Variants in ZYX observed in about 807,000 individuals in gnomAD.
ZYX encodes zyxin-2.
Under a neutral mutation model 58.1 loss-of-function variants are expected in ZYX, and 37 were observed. That is an observed-to-expected ratio of 0.64 (90% CI 0.49 to 0.84). The LOEUF (loss-of-function observed/expected upper bound fraction) is 0.84, where lower values mean the gene tolerates loss of function less well. Among genes scored for constraint, ZYX ranks in the 40% least tolerant of loss-of-function variants. The pLI is 0.00. For synonymous variants in ZYX, 324 were observed against 321.1 expected, an observed-to-expected ratio of 1.01 and a Z score of -0.10; for missense variants, 762 against 761.6, an observed-to-expected ratio of 1.00 and a Z score of -0.01.
rs6954724 is a variant in ZYX at position 143,388,726 on chromosome 7, G to A, written c.1315-41G>A. 183,093 of 1,609,214 alleles carry A rather than the reference G, an allele frequency of 0.11. 16,488 individuals carry two copies. Among genetic ancestry groups the A allele is most frequent in the African/African-American group, 0.4 (30,040 of 74,832 alleles). Reference sequence around the variant, plus strand: ...GTCGGGCCCTGGAAGCTTGCTGTGGGGTGCCGGTTCCCTGCCAACCTCCTC... The same window carrying A: ...GTCGGGCCCTGGAAGCTTGCTGTGGAGTGCCGGTTCCCTGCCAACCTCCTC... On this transcript the variant is annotated intron_variant, in intron 7 of 9. Transcript: ENST00000322764. The surrounding 1 kb of genome is among the most constrained non-coding windows in gnomAD (Gnocchi z 7.5).
rs545540682 is a variant in ZYX, at chr7:143,388,969, T to G, written c.1493+24T>G. On this transcript the variant is annotated intron_variant, in intron 8 of 9. Transcript: ENST00000322764. The surrounding 1 kb of genome is among the most constrained non-coding windows in gnomAD (Gnocchi z 7.5). ...AAGTGAGGACCTGCCACCTGCCTTC[T>G]GGGTTCCCGGCGTGCTTGGTCTGGT... The G allele has an allele frequency of 6.3e-7, 1 of 1,594,482 alleles. No homozygotes were observed. Among genetic ancestry groups the G allele is most frequent in the African/African-American group, 1.3e-5 (1 of 74,760 alleles).
rs1256880354 is a variant in ZYX at position 143,383,256 on chromosome 7, G to A, written c.957G>A (p.Gln319=). The A allele has an allele frequency of 6.2e-7, 1 of 1,613,980 alleles. No homozygotes were observed. The highest frequency in any genetic ancestry group is 1.7e-5 in the Admixed American group (1 of 60,020). ...PQPPSFTYAQ[Q]REKPRVQEKQ... Reference sequence around the variant, plus strand: ...CTCCCAGCTTCACCTATGCCCAGCAGAGGGAGAAGCCCCGAGTGCAGGAGA... The same window carrying A: ...CTCCCAGCTTCACCTATGCCCAGCAAAGGGAGAAGCCCCGAGTGCAGGAGA... The change falls in exon 5 of 10, where the codon CAG becomes CAA. Residue 319 remains glutamine, a synonymous_variant. Coordinates refer to ENST00000322764, the MANE Select transcript of ZYX (RefSeq NM_003461.5).
At position 143,382,986 on chromosome 7, in the gene ZYX, G is replaced by A. The variant is rs747897982; in HGVS notation, c.687G>A (p.Gln229=). ...QTQFHVQPQP[Q]PKPQVQLHVQ... ...AGTTCCATGTTCAGCCCCAGCCCCA[G>A]CCCAAGCCTCAGGTCCAACTCCATG... The change falls in exon 5 of 10, where the codon CAG becomes CAA. Residue 229 remains glutamine, a synonymous_variant. Transcript: ENST00000322764. 1.2e-6 allele frequency: 2 copies of A among 1,613,482 alleles called. No homozygotes were observed. Among genetic ancestry groups the A allele is most frequent in the African/African-American group, 1.3e-5 (1 of 74,876 alleles).
chr7:143,385,660 CTTTTT>C (rs59995035), intron 5 of ZYX, among the ~76,000 whole-genome samples: 5,533 of 68,716 alleles, frequency 0.081, 173 homozygotes, highest in East Asian at 0.2. Context: ...TGTGGTATAT[CTTTTT>C]TTTTTTTTTT....
chr7:143,386,400 G>A (rs1247188927), intron 5 of ZYX, among the ~76,000 whole-genome samples: 2 of 152,084 alleles, frequency 1.3e-5, no homozygotes, highest in Non-Finnish European at 2.9e-5. Flanking sequence ...CACGGTGCGA[G>A]CAAAGGGACG....
chr7:143,388,570 G>A lies in ZYX; in HGVS notation c.1226G>A (p.Cys409Tyr). 1.2e-6 allele frequency: 2 copies of A among 1,612,144 alleles called. No homozygotes were observed. Among genetic ancestry groups the A allele is most frequent in the Non-Finnish European group, 1.7e-6 (2 of 1,179,966 alleles). ...CTAGGGCAGCTGTTCCACATCGCCT[G>A]CTTCACCTGCCACCAGTGTGCGCAG... ...RALGQLFHIA[C>Y]FTCHQCAQQL... Residue 409 changes from cysteine to tyrosine, a missense_variant, in exon 7 of 10, where the codon TGC becomes TAC. Coordinates refer to ENST00000322764, the MANE Select transcript of ZYX (RefSeq NM_003461.5). The surrounding 1 kb of genome is among the most constrained non-coding windows in gnomAD (Gnocchi z 7.5).
Position 143,388,312 on chromosome 7 carries a change from C to T in ZYX, c.1117C>T (p.Pro373Ser). 1 of 1,613,872 alleles carries T rather than the reference C, an allele frequency of 6.2e-7. No homozygotes were observed. The highest frequency in any genetic ancestry group is 1.1e-5 in the South Asian group (1 of 91,078). The change falls in exon 6 of 10, where the codon CCT becomes TCT. Residue 373 changes from proline (P) to serine (S), a missense_variant. Coordinates refer to ENST00000322764, the MANE Select transcript of ZYX (RefSeq NM_003461.5). The surrounding 1 kb of genome is among the most constrained non-coding windows in gnomAD (Gnocchi z 7.5). ...TQQLMQDMEHPQRQNVAVNEL... is the reference protein window; with the variant it reads ...TQQLMQDMEHSQRQNVAVNEL... ...GCAGCTAATGCAGGACATGGAGCATCCTCAGAGGCAGAATGTGGCTGTCAA... is the reference window on the plus strand; with the variant it reads ...GCAGCTAATGCAGGACATGGAGCATTCTCAGAGGCAGAATGTGGCTGTCAA...
rs1804717556 is a variant in ZYX at position 143,383,247 on chromosome 7, T to C, written c.948T>C (p.Tyr316=). 3 of 1,613,926 alleles carry C rather than the reference T, an allele frequency of 1.9e-6. No homozygotes were observed. The highest frequency in any genetic ancestry group is 4.5e-5 in the East Asian group (2 of 44,840). ...TGSPQPPSFT[Y]AQQREKPRVQ... ...CCCCTCAACCTCCCAGCTTCACCTA[T>C]GCCCAGCAGAGGGAGAAGCCCCGAG... Residue 316 remains tyrosine (Y), a synonymous_variant, in exon 5 of 10, where the codon TAT becomes TAC. Coordinates refer to ENST00000322764, the MANE Select transcript of ZYX (RefSeq NM_003461.5).
In ZYX at chr7:143,390,436, G is replaced by C; in HGVS notation, c.1615-142G>C. The C allele has an allele frequency of 1.5e-6, 1 of 662,484 alleles. No individual in the cohort carries two copies. The highest frequency in any genetic ancestry group is 2.6e-6 in the Non-Finnish European group (1 of 379,706). The allele number at this position is 662,484 out of a possible 1,614,324, so 41.0% of individuals were successfully genotyped here. A position where few individuals can be genotyped will look rare whatever the true frequency, so the allele number is the denominator to read the frequency against. ...AAGTAGGATAGGGATGGGGAGTTGG[G>C]TGTGGCTGGAAAAAGCGATGACACC... is the stretch of plus-strand genomic sequence containing the variant. On this transcript the variant is annotated intron_variant, in intron 9 of 9. Coordinates refer to ENST00000322764, the MANE Select transcript of ZYX (RefSeq NM_003461.5). This position sits in a 1 kb window ranked among gnomAD's most constrained non-coding sequence, Gnocchi z 4.3.
At position 143,383,005 on chromosome 7, in the gene ZYX, C is replaced by A. The variant is rs147284254; in HGVS notation, c.706C>A (p.Leu236Ile). 1,026 of 1,613,910 alleles carry A rather than the reference C, an allele frequency of 6.4e-4. 6 individuals carry two copies. The African/African-American group carries it at 0.012, about 18-fold the overall frequency. The change falls in exon 5 of 10, where the codon CTC (leucine) becomes ATC (isoleucine). Residue 236 changes from leucine to isoleucine, a missense_variant. Leu to Ile is a conservative substitution (Grantham distance 5). Coordinates refer to ENST00000322764, the MANE Select transcript of ZYX (RefSeq NM_003461.5). ...PQPQPKPQVQLHVQSQTQPVS... is the reference protein window; with the variant it reads ...PQPQPKPQVQIHVQSQTQPVS... ...GCCCCAGCCCAAGCCTCAGGTCCAA[C>A]TCCATGTCCAGTCCCAGACCCAGCC...
chr7:143,390,812 C>G lies in ZYX; in HGVS notation c.*130C>G. On this transcript the variant is annotated 3_prime_UTR_variant, in exon 10 of 10. Coordinates refer to ENST00000322764, the MANE Select transcript of ZYX (RefSeq NM_003461.5). This position sits in a 1 kb window ranked among gnomAD's most constrained non-coding sequence, Gnocchi z 4.3. Reference sequence around the variant, plus strand: ...CCCATTTCCAACCCCTCCCTAGCATCCCAGGTGCCCTGACCCAGGACCCAA... The same window carrying G: ...CCCATTTCCAACCCCTCCCTAGCATGCCAGGTGCCCTGACCCAGGACCCAA... 9.7e-6 allele frequency: 7 copies of G among 721,034 alleles called. No individual in the cohort carries two copies. Among genetic ancestry groups the G allele is most frequent in the South Asian group, 3.4e-5 (2 of 59,288 alleles). 44.7% of individuals were successfully genotyped at this position (721,034 alleles called of 1,614,324 possible).
At position 143,387,179 on chromosome 7, in the gene ZYX, G is replaced by T. The variant is rs183311648; in HGVS notation, c.1024-1040G>T. 4.6e-5 allele frequency among the ~76,000 whole-genome samples: 7 copies of T among 152,232 alleles called. No homozygotes were observed. The highest frequency in any genetic ancestry group is 1.4e-4 in the African/African-American group (6 of 41,514). Reference sequence around the variant, plus strand: ...AGGGAAAATGGCTAAGATCTGGAGAGTTGGACTTATATGGACGCATGCTTC... The same window carrying T: ...AGGGAAAATGGCTAAGATCTGGAGATTTGGACTTATATGGACGCATGCTTC... On this transcript the variant is annotated intron_variant, in intron 5 of 9. Coordinates refer to ENST00000322764, the MANE Select transcript of ZYX (RefSeq NM_003461.5). The surrounding 1 kb of genome is among the most constrained non-coding windows in gnomAD (Gnocchi z 5.8).
rs1198474902 is a variant in ZYX, at chr7:143,382,705, G to A, written c.501+20G>A. The A allele has an allele frequency of 6.2e-7, 1 of 1,614,078 alleles. No homozygotes were observed. The highest frequency in any genetic ancestry group is 1.1e-5 in the South Asian group (1 of 91,080). The stretch of plus-strand genomic sequence containing the variant: ...GCCCGGGTAAGGGACCGGAGAGTAG[G>A]AAAAGCAGGGCTCAGGGCCAGAGAG... On this transcript the variant is annotated intron_variant, in intron 4 of 9. Transcript: ENST00000322764.
Position 143,389,106 on chromosome 7 carries a change from G to C in ZYX, c.1493+161G>C, listed in dbSNP as rs946393106. On this transcript the variant is annotated intron_variant, in intron 8 of 9. Coordinates refer to ENST00000322764, the MANE Select transcript of ZYX (RefSeq NM_003461.5). The surrounding 1 kb of genome is among the most constrained non-coding windows in gnomAD (Gnocchi z 5.6). ...GGGACCAAGTCATCGGGATGTAGCT[G>C]TCCAGGGGCCTTAGGCCTGGGCATC... Among the ~76,000 whole-genome samples the C allele has an allele frequency of 1.2e-4, 19 of 152,346 alleles. No individual in the cohort carries two copies. The highest frequency in any genetic ancestry group is 4.6e-4 in the African/African-American group (19 of 41,578).
chr7:143,383,817 A>G (rs1804759446), intron 5 of ZYX, among the ~76,000 whole-genome samples: 1 of 152,202 alleles, frequency 6.6e-6, no homozygotes, highest in Non-Finnish European at 1.5e-5. Context: ...GGAGGGTAGG[A>G]CATGGGAGGG....
intron 2 of ZYX, 38 bp downstream of exon 2, chr7:143,381,817 G>C (rs758862021): frequency 3.4e-6 from 5 of 1,492,502 alleles, no homozygotes; most frequent in Middle Eastern, 2.1e-4. Context: ...CCCGGCAGGA[G>C]CCGGGGTGGG....
At position 143,384,440 on chromosome 7, in the gene ZYX, G is replaced by A. The variant is rs1223088950; in HGVS notation, c.1023+1118G>A. 3.3e-5 allele frequency among the ~76,000 whole-genome samples: 5 copies of A among 152,108 alleles called. No individual in the cohort carries two copies. In the South Asian group the frequency reaches 8.3e-4, roughly 25 times the overall value. Reference sequence around the variant, plus strand: ...GGCTGGAGGGTGTAGGAGGTGAAGTGGCTCACCCAAGGAGCTCTTGAGCAC... The same window carrying A: ...GGCTGGAGGGTGTAGGAGGTGAAGTAGCTCACCCAAGGAGCTCTTGAGCAC... On this transcript the variant is annotated intron_variant, in intron 5 of 9. Coordinates refer to ENST00000322764, the MANE Select transcript of ZYX (RefSeq NM_003461.5). The surrounding 1 kb of genome is among the most constrained non-coding windows in gnomAD (Gnocchi z 4.9).
chr7:143,382,189 G>A, intron 2 of ZYX, 59 bp from the exon 3 acceptor site: 7 of 1,432,460 alleles, frequency 4.9e-6, no homozygotes, highest in Non-Finnish European at 6.8e-6. Flanking sequence ...GTTAACTGAG[G>A]GGAGCTTGGG....
At chr7:143,382,483 C>G (rs776788126) in intron 3 of ZYX, 36 bp downstream of exon 3, 8 of 1,587,936 alleles carry the variant, frequency 5.0e-6, no homozygotes, top group Non-Finnish European at 6.9e-6. Flanking sequence ...GCACTGGACA[C>G]CCCCAAGGAG....
Sources: gnomAD v4.1 joint callset for allele counts (sites outside exome capture counted in the v4.1 genomes callset) on GRCh38, gnomAD v4.1.1 for gene constraint, Gnocchi (gnomAD v3.1) non-coding constraint, MANE v1.5 for transcripts, NCBI Gene and HGNC (gene_info 2026-07-23, HGNC 2026-07-21) for gene names.